Variants in VGLL4 observed in about 807,000 individuals in gnomAD.
VGLL4 encodes vestigial like family member 4.
In VGLL4, 7 loss-of-function variants were observed where a neutral mutation model predicts 21.0. The observed-to-expected ratio is 0.33, with a 90% CI of 0.19 to 0.63. The LOEUF (loss-of-function observed/expected upper bound fraction) is 0.63, where lower values mean the gene tolerates loss of function less well. Among genes scored for constraint, VGLL4 ranks in the 20% least tolerant of loss-of-function variants. VGLL4 has a pLI of 0.78. For missense variants in VGLL4, 394 were observed against 425.7 expected, an observed-to-expected ratio of 0.93 and a Z score of 0.66; for synonymous variants, 222 against 173.2, an observed-to-expected ratio of 1.28 and a Z score of -2.21.
intron 2 of VGLL4, among the ~76,000 whole-genome samples, chr3:11,571,814 A>G (rs1050864022): frequency 2.6e-5 from 4 of 152,154 alleles, no homozygotes; most frequent in Admixed American, 2.6e-4. Context: ...TCCCAGCGTG[A>G]GAAGCCTATT....
rs2072472981 is a variant in VGLL4, at chr3:11,556,878, G to A, written c.*1678C>T. 6.5e-6 allele frequency: 1 copy of A among 152,790 alleles called. No homozygotes were observed. The highest frequency in any genetic ancestry group is 1.5e-5 in the Non-Finnish European group (1 of 68,032). 9.5% of individuals were successfully genotyped at this position (152,790 alleles called of 1,614,324 possible). On this transcript the variant is annotated 3_prime_UTR_variant, in exon 5 of 5. Transcript: ENST00000430365. Reference sequence around the variant, plus strand: ...TGGGAGTGAAATGTGTGCGGGGCAAGGAGAAGGGCTTTTCTTTCCTCCACT... The same window carrying A: ...TGGGAGTGAAATGTGTGCGGGGCAAAGAGAAGGGCTTTTCTTTCCTCCACT...
chr3:11,694,783 T>C (rs1342685407), intron 2 of VGLL4, among the ~76,000 whole-genome samples: 1 of 152,178 alleles, frequency 6.6e-6, no homozygotes, highest in Non-Finnish European at 1.5e-5. Context: ...GCAAGTGGCA[T>C]GATAGGTAGA....
At chr3:11,607,651 A>G (rs1200869334) in intron 1 of VGLL4, among the ~76,000 whole-genome samples, 1 of 152,242 alleles carries the variant, frequency 6.6e-6, no homozygotes, top group Non-Finnish European at 1.5e-5. Context: ...TATAAGCAGT[A>G]TAAGGCTCCA....
chr3:11,584,923 T>TCCACCACCA (rs150855339), intron 2 of VGLL4, among the ~76,000 whole-genome samples: 1 of 151,302 alleles, frequency 6.6e-6, no homozygotes, highest in Non-Finnish European at 1.5e-5. Flanking sequence ...CACCCAGGGA[T>TCCACCACCA]CCACCACCAC....
chr3:11,646,269 AAAC>A, upstream of VGLL4, among the ~76,000 whole-genome samples: 1 of 152,356 alleles, frequency 6.6e-6, no homozygotes, highest in South Asian at 2.1e-4. Context: ...ATTGCACTGA[AAAC>A]AAACAATATC....
chr3:11,590,211 G>C (rs902461711), intron 2 of VGLL4, among the ~76,000 whole-genome samples: 1 of 152,144 alleles, frequency 6.6e-6, no homozygotes, highest in East Asian at 1.9e-4. Flanking sequence ...ATGCAGCTGA[G>C]GAAATGACTC....
chr3:11,641,760 G>C (rs770550858), intron 1 of VGLL4, among the ~76,000 whole-genome samples: 35 of 152,132 alleles, frequency 2.3e-4, no homozygotes, highest in Non-Finnish European at 3.8e-4. Flanking sequence ...AATACCGAGA[G>C]AGAAGAGCAG....
chr3:11,651,333 A>G (rs2075868407), intron 2 of VGLL4, among the ~76,000 whole-genome samples: 1 of 144,314 alleles, frequency 6.9e-6, no homozygotes, highest in African/African-American at 2.8e-5. Context: ...ATAGAGTGAG[A>G]CTCAAAAAAA....
In VGLL4 at chr3:11,573,312, GAAGGAAGAAAGAAAGA is replaced by G. The variant is rs2073907293; in HGVS notation, c.273-8309_273-8294del. ...GAAAGAAAGAAAGAAAGAAAGGAAG[GAAGGAAGAAAGAAAGA>G]AAGAAAGAAAGAAAGAAAGAAAGAA... is the stretch of plus-strand genomic sequence containing the variant. On this transcript the variant is annotated intron_variant, in intron 2 of 4. Coordinates refer to ENST00000430365, the MANE Select transcript of VGLL4 (RefSeq NM_001128219.3). Among the ~76,000 whole-genome samples the G allele has an allele frequency of 1.7e-3, 17 of 9,834 alleles. 1 individual carries two copies. The highest frequency in any genetic ancestry group is 3.9e-3 in the East Asian group (2 of 512). The allele number at this position is 9,834 out of a possible 152,430, so 6.5% of individuals were successfully genotyped here. A position where few individuals can be genotyped will look rare whatever the true frequency, so the allele number is the denominator to read the frequency against.
At chr3:11,645,214 A>T (rs182375014), upstream of VGLL4, among the ~76,000 whole-genome samples, 257 of 151,752 alleles carry the variant, frequency 1.7e-3, 2 homozygotes, top group African/African-American at 5.9e-3. Context: ...AAAACTAAAC[A>T]TTTGAATTAC....
chr3:11,564,704 A>G, intron 3 of VGLL4, 93 bp downstream of exon 3: 1 of 1,427,790 alleles, frequency 7.0e-7, no homozygotes, highest in Non-Finnish European at 9.4e-7. Flanking sequence ...CTCCCTCACC[A>G]CCGCCCTCGG....
At chr3:11,582,537 G>C (rs566902123) in intron 2 of VGLL4, 1 of 596,566 alleles carries the variant, frequency 1.7e-6, no homozygotes, top group African/African-American at 1.8e-5. Flanking sequence ...TATAGAGGGT[G>C]CCTTGCCAAA....
At chr3:11,612,391 A>G (rs145892068) in intron 1 of VGLL4, among the ~76,000 whole-genome samples, 22 of 152,348 alleles carry the variant, frequency 1.4e-4, no homozygotes, top group African/African-American at 5.3e-4. Flanking sequence ...CTTACTATAC[A>G]TATCATTTTG....
chr3:11,601,018 G>A (rs911568242), intron 2 of VGLL4, among the ~76,000 whole-genome samples: 4 of 152,142 alleles, frequency 2.6e-5, no homozygotes, highest in African/African-American at 7.2e-5. Flanking sequence ...GCGTCTCCAA[G>A]TCCTGAAAAC....
intron 2 of VGLL4, among the ~76,000 whole-genome samples, chr3:11,567,920 G>A (rs556817221): frequency 6.6e-6 from 1 of 152,286 alleles, no homozygotes; most frequent in South Asian, 2.1e-4. Flanking sequence ...GCATAGACCT[G>A]GGGGCTCATG....
intron 1 of VGLL4, among the ~76,000 whole-genome samples, chr3:11,706,498 A>T (rs142970412): frequency 1.3e-5 from 2 of 152,374 alleles, no homozygotes; most frequent in African/African-American, 2.4e-5. Context: ...AAGACTAAAT[A>T]TTATTTAAAA....
At chr3:11,645,189 G>GA (rs34717985), upstream of VGLL4, among the ~76,000 whole-genome samples, 799 of 54,632 alleles carry the variant, frequency 0.015, 6 homozygotes, top group African/African-American at 0.021. Flanking sequence ...TAACAAAATA[G>GA]AAAAAAAAAA....
chr3:11,666,184 G>A (rs2076122444), intron 2 of VGLL4, among the ~76,000 whole-genome samples: 2 of 151,812 alleles, frequency 1.3e-5, no homozygotes, highest in South Asian at 2.1e-4. Context: ...CCCGGGAGGC[G>A]GAGCTTGCAG....
At chr3:11,679,001 T>A (rs529169147) in intron 2 of VGLL4, among the ~76,000 whole-genome samples, 9 of 152,304 alleles carry the variant, frequency 5.9e-5, no homozygotes, top group African/African-American at 2.2e-4. Context: ...GCGCTGCCAG[T>A]CATATAAAAG....
Sources: allele counts gnomAD v4.1 joint callset (sites outside exome capture counted in the v4.1 genomes callset), GRCh38; gene constraint gnomAD v4.1.1; transcripts MANE v1.5; gene names NCBI Gene and HGNC (gene_info 2026-07-23, HGNC 2026-07-21).